The following ITGAX variants were observed in gnomAD, a reference collection of about 807,000 sequenced individuals.
The protein encoded by ITGAX is integrin alpha-X.
Under a neutral mutation model 140.2 loss-of-function variants are expected in ITGAX, and 99 were observed. The ratio of observed to expected loss-of-function variants is 0.71; its 90% confidence interval spans 0.60 to 0.83. The LOEUF is 0.83. Among genes scored for constraint, ITGAX ranks in the 40% least tolerant of loss-of-function variants. ITGAX has a pLI of 0.00. For synonymous variants in ITGAX, 631 were observed against 600.4 expected, an observed-to-expected ratio of 1.05 and a Z score of -0.75; for missense variants, 1,444 against 1,482.0, an observed-to-expected ratio of 0.97 and a Z score of 0.42.
At chr16:31,367,002 G>T (rs534346376) in intron 14 of ITGAX, among the ~76,000 whole-genome samples, 12 of 152,304 alleles carry the variant, frequency 7.9e-5, no homozygotes, top group Admixed American at 7.8e-4. Context: ...AAGTGAAACA[G>T]CCTAATTGCT....
chr16:31,360,658 C>T, intron 8 of ITGAX, 195 bp downstream of exon 8: 1 of 585,474 alleles, frequency 1.7e-6, no homozygotes, highest in Non-Finnish European at 3.0e-6. Context: ...TAGCTGGGAC[C>T]ACAGGTGTGT....
rs957572471 is a variant in ITGAX at position 31,382,063 on chromosome 16, G to C, written c.*156G>C. 1.4e-6 allele frequency: 2 copies of C among 1,439,280 alleles called. No individual in the cohort carries two copies. Among genetic ancestry groups the C allele is most frequent in the African/African-American group, 2.9e-5 (2 of 69,434 alleles). 89.2% of individuals were successfully genotyped at this position (1,439,280 alleles called of 1,614,324 possible). A position where few individuals can be genotyped will look rare whatever the true frequency, so the allele number is the denominator to read the frequency against. ...GGGAGAAAACGTCTTGCTTGGGAAG[G>C]GGCCTTTGTCTTGTCAAGGTTCCAA... is the stretch of plus-strand genomic sequence containing the variant. On this transcript the variant is annotated 3_prime_UTR_variant, in exon 30 of 30. Transcript: ENST00000268296.
chr16:31,366,959 A>T (rs1435568172), intron 14 of ITGAX, among the ~76,000 whole-genome samples: 4 of 152,238 alleles, frequency 2.6e-5, no homozygotes, highest in Non-Finnish European at 4.4e-5. Context: ...GGAAATTAAG[A>T]GTGTTACTCC....
chr16:31,356,067 G>C (rs770966152), intron 2 of ITGAX, 69 bp downstream of exon 2: 73 of 1,094,832 alleles, frequency 6.7e-5, no homozygotes, highest in Non-Finnish European at 9.4e-5. Context: ...CATGCCCCCG[G>C]CCCTGCCCTG....
intron 2 of ITGAX, chr16:31,356,237 T>C (rs577605430): frequency 3.2e-5 from 16 of 496,242 alleles, no homozygotes; most frequent in Non-Finnish European, 3.6e-6. Flanking sequence ...CACGACAGCC[T>C]GTGAGTAGGA....
At chr16:31,361,626 C>A (rs1028533401) in intron 9 of ITGAX, 3 of 729,882 alleles carry the variant, frequency 4.1e-6, no homozygotes. Context: ...CTGATGAGGA[C>A]CAGATCGGTG....
At position 31,382,320 on chromosome 16, in the gene ITGAX, A is replaced by G; in HGVS notation, c.*413A>G. On this transcript the variant is annotated 3_prime_UTR_variant, in exon 30 of 30. Coordinates refer to ENST00000268296, the MANE Select transcript of ITGAX (RefSeq NM_000887.5). ...GAGTGCAATGGCGTGATCTCGGCTC[A>G]CTGCAACCTCCGCCTCCCGGGTTCA... 8.4e-7 allele frequency: 1 copy of G among 1,192,742 alleles called. No individual in the cohort carries two copies. The highest frequency in any genetic ancestry group is 2.8e-5 in the East Asian group (1 of 35,406). The allele number at this position is 1,192,742 out of a possible 1,614,324, so 73.9% of individuals were successfully genotyped here. A position where few individuals can be genotyped will look rare whatever the true frequency, so the allele number is the denominator to read the frequency against.
rs1177322731 is a variant in ITGAX, at chr16:31,362,609, A to C, written c.1217-2A>C. ...CTTTGTGCTGAGGCCTGGGCCCCTC[A>C]GGTTACTCCACCGAGCTGGCCCTCT... On this transcript the variant is annotated splice_acceptor_variant, in intron 11 of 29. Transcript: ENST00000268296. LOFTEE classifies it high-confidence loss of function. 3.1e-6 allele frequency: 5 copies of C among 1,610,212 alleles called. No individual in the cohort carries two copies. The highest frequency in any genetic ancestry group is 4.2e-6 in the Non-Finnish European group (5 of 1,178,900).
intron 5 of ITGAX, 39 bp from the exon 6 acceptor site, chr16:31,359,661 G>T: frequency 6.2e-7 from 1 of 1,609,622 alleles, no homozygotes; most frequent in Non-Finnish European, 8.5e-7. Context: ...TGGACTCCAG[G>T]AGTGTCACTT....
At position 31,363,238 on chromosome 16, in the gene ITGAX, T is replaced by C. The variant is rs769933318; in HGVS notation, c.1574T>C (p.Leu525Pro). The C allele has an allele frequency of 6.2e-7, 1 of 1,613,744 alleles. No homozygotes were observed. The highest frequency in any genetic ancestry group is 8.5e-7 in the Non-Finnish European group (1 of 1,179,806). The change falls in exon 14 of 30, where the codon CTG (leucine) becomes CCG (proline). Residue 525 changes from leucine (L) to proline (P), a missense_variant. Leu to Pro is a moderately conservative substitution (Grantham distance 98). Transcript: ENST00000268296. Reference sequence around the variant, plus strand: ...CCCTGGGGTCGCTTTGGGGCGGCTCTGACAGTGCTGGGGGATGTGAATGGG... The same window carrying C: ...CCCTGGGGTCGCTTTGGGGCGGCTCCGACAGTGCTGGGGGATGTGAATGGG... ...GHPWGRFGAALTVLGDVNGDK... is the reference protein window; with the variant it reads ...GHPWGRFGAAPTVLGDVNGDK...
chr16:31,382,228 C>CTTTTTTTTTTTTTTTTTTTCT lies in ITGAX; in HGVS notation c.*336_*337insTTTTCTTTTTTTTTTTTTTTT. 2 of 902,772 alleles carry CTTTTTTTTTTTTTTTTTTTCT rather than the reference C, an allele frequency of 2.2e-6. No homozygotes were observed. The highest frequency in any genetic ancestry group is 2.2e-5 in the South Asian group (1 of 45,500). 55.9% of individuals were successfully genotyped at this position (902,772 alleles called of 1,614,324 possible). A position where few individuals can be genotyped will look rare whatever the true frequency, so the allele number is the denominator to read the frequency against. ...GGCACGAATGATCTTTCTTTCCTTT[C>CTTTTTTTTTTTTTTTTTTTCT]TTTTTTTTTTTTTTTCTTTTCTTTT... On this transcript the variant is annotated 3_prime_UTR_variant, in exon 30 of 30. Transcript: ENST00000268296.
At chr16:31,361,942 G>C (rs755967257) in intron 10 of ITGAX, 33 bp downstream of exon 10, 1 of 1,613,322 alleles carries the variant, frequency 6.2e-7, no homozygotes, top group Non-Finnish European at 8.5e-7. Context: ...ATGATGTGCC[G>C]TGAGGGGAGG....
chr16:31,379,359 C>T (rs942088051), intron 23 of ITGAX, among the ~76,000 whole-genome samples: 7 of 151,902 alleles, frequency 4.6e-5, no homozygotes, highest in East Asian at 1.9e-4. Flanking sequence ...TCAGGTGATC[C>T]GCCCATCTCA....
chr16:31,377,358 T>C, intron 23 of ITGAX, 93 bp downstream of exon 23: 3 of 1,001,496 alleles, frequency 3.0e-6, no homozygotes, highest in Non-Finnish European at 4.4e-6. Context: ...CCACAGAGGG[T>C]GAGATAAGGT....
chr16:31,356,483 C>G lies in ITGAX; in HGVS notation c.144-142C>G, dbSNP rs114050460. On this transcript the variant is annotated intron_variant, in intron 2 of 29. Coordinates refer to ENST00000268296, the MANE Select transcript of ITGAX (RefSeq NM_000887.5). ...CAGAGAATCCAACAGACAGAAATCCCTTCCACATGGACTTTAAATTATTAA... is the reference window on the plus strand; with the variant it reads ...CAGAGAATCCAACAGACAGAAATCCGTTCCACATGGACTTTAAATTATTAA... 1.8e-3 allele frequency: 1,113 copies of G among 612,002 alleles called. 12 individuals are homozygous for G. The African/African-American group carries it at 0.018, about 10-fold the overall frequency. 37.9% of individuals were successfully genotyped at this position (612,002 alleles called of 1,614,324 possible).
intron 2 of ITGAX, 36 bp from the exon 3 acceptor site, chr16:31,356,589 A>G (rs1172291151): frequency 6.7e-7 from 1 of 1,486,696 alleles, no homozygotes; most frequent in Non-Finnish European, 9.2e-7. Flanking sequence ...TGCAGCGTCC[A>G]CACTCTTACC....
intron 20 of ITGAX, among the ~76,000 whole-genome samples, chr16:31,376,122 A>C (rs2081016939): frequency 6.6e-6 from 1 of 152,246 alleles, no homozygotes; most frequent in Admixed American, 6.5e-5. Flanking sequence ...AACATAGCAG[A>C]AACAAGAGTA....
chr16:31,379,622 C>T lies in ITGAX; in HGVS notation c.2844C>T (p.Ser948=). ...TCTCAGAGTCTGAGGAGAAGGAAAGCCATGTGGCCATGCACAGATACCAGG... is the reference window on the plus strand; with the variant it reads ...TCTCAGAGTCTGAGGAGAAGGAAAGTCATGTGGCCATGCACAGATACCAGG... ...LNFSESEEKE[S]HVAMHRYQVN... is the part of the protein sequence containing the mutation. Residue 948 remains serine, a synonymous_variant, in exon 24 of 30, where the codon AGC becomes AGT. Coordinates refer to ENST00000268296, the MANE Select transcript of ITGAX (RefSeq NM_000887.5). 2 of 1,562,720 alleles carry T rather than the reference C, an allele frequency of 1.3e-6. No homozygotes were observed. Among genetic ancestry groups the T allele is most frequent in the Non-Finnish European group, 1.7e-6 (2 of 1,152,388 alleles).
At position 31,379,825 on chromosome 16, in the gene ITGAX, G is replaced by A; in HGVS notation, c.2937G>A (p.Gln979=). The A allele has an allele frequency of 6.2e-7, 1 of 1,614,200 alleles. No individual in the cohort carries two copies. The highest frequency in any genetic ancestry group is 8.5e-7 in the Non-Finnish European group (1 of 1,180,040). The change falls in exon 25 of 30, where the codon CAG becomes CAA. Residue 979 remains glutamine, a synonymous_variant. Coordinates refer to ENST00000268296, the MANE Select transcript of ITGAX (RefSeq NM_000887.5). The stretch of plus-strand genomic sequence containing the variant: ...TCTGGGTGCCTGTGGAGCTGAACCA[G>A]GAGGCTGTGTGGATGGATGTGGAGG... The part of the protein sequence containing the change: ...INFWVPVELN[Q]EAVWMDVEVS...
Sources: gnomAD v4.1 joint callset for allele counts (sites outside exome capture counted in the v4.1 genomes callset) on GRCh38, gnomAD v4.1.1 for gene constraint, MANE v1.5 for transcripts, NCBI Gene and HGNC (gene_info 2026-07-23, HGNC 2026-07-21) for gene names.